MARCHF11: variants seen among roughly 807,000 people sequenced by gnomAD.
The protein encoded by MARCHF11 is membrane associated ring-CH-type finger 11, also known as E3 ubiquitin-protein ligase MARCHF11.
MARCHF11 carries 29 observed loss-of-function variants against 37.3 expected under a neutral mutation model. That is an observed-to-expected ratio of 0.78 (90% CI 0.58 to 1.06). MARCHF11 has a LOEUF of 1.06. Among genes scored for constraint, MARCHF11 ranks in the 50% least tolerant of loss-of-function variants. The pLI is 0.00. For synonymous variants in MARCHF11, 233 were observed against 228.0 expected, an observed-to-expected ratio of 1.02 and a Z score of -0.20; for missense variants, 482 against 533.4, an observed-to-expected ratio of 0.90 and a Z score of 0.95.
intron 3 of MARCHF11, 107 bp downstream of exon 3, chr5:16,090,782 G>T (rs1342292340): frequency 1.2e-6 from 1 of 864,236 alleles, no homozygotes. Context: ...GGAGAACTGA[G>T]ATAAGTCAAT....
chr5:16,127,460 AC>A, intron 2 of MARCHF11, among the ~76,000 whole-genome samples: 1 of 152,168 alleles, frequency 6.6e-6, no homozygotes, highest in East Asian at 1.9e-4. Context: ...AGCAAACGGA[AC>A]TTTTTACTGG....
chr5:16,170,725 G>A (rs1738249315), intron 2 of MARCHF11, among the ~76,000 whole-genome samples: 2 of 152,076 alleles, frequency 1.3e-5, no homozygotes, highest in Admixed American at 6.6e-5. Flanking sequence ...ATTGAGCTGT[G>A]TTATATAATG....
chr5:16,105,793 G>GT (rs959780322), intron 2 of MARCHF11, among the ~76,000 whole-genome samples: 5 of 151,068 alleles, frequency 3.3e-5, no homozygotes, highest in Non-Finnish European at 4.4e-5. Context: ...TTTTTGTTTT[G>GT]TTTTTTTTCA....
chr5:16,142,681 T>C (rs1369654682), intron 2 of MARCHF11, among the ~76,000 whole-genome samples: 4 of 143,596 alleles, frequency 2.8e-5, no homozygotes, highest in African/African-American at 1.0e-4. Flanking sequence ...ACACTTCTTA[T>C]ATTTTATCTT....
At chr5:16,072,301 C>G (rs1419253897) in intron 3 of MARCHF11, among the ~76,000 whole-genome samples, 2 of 152,080 alleles carry the variant, frequency 1.3e-5, no homozygotes, top group Non-Finnish European at 2.9e-5. Context: ...ACAGAATAAT[C>G]AAATAAAAGA....
At chr5:16,075,028 C>T (rs1223088838) in intron 3 of MARCHF11, among the ~76,000 whole-genome samples, 1 of 152,208 alleles carries the variant, frequency 6.6e-6, no homozygotes, top group Non-Finnish European at 1.5e-5. Flanking sequence ...AACAAGATGG[C>T]AAAGCCCAAT....
intron 2 of MARCHF11, among the ~76,000 whole-genome samples, chr5:16,125,986 T>G (rs988585606): frequency 6.6e-6 from 1 of 152,204 alleles, no homozygotes; most frequent in African/African-American, 2.4e-5. Flanking sequence ...CATAACTTCT[T>G]GCTTGCCAGC....
intron 2 of MARCHF11, among the ~76,000 whole-genome samples, chr5:16,153,637 C>G (rs746465244): frequency 6.6e-6 from 1 of 151,956 alleles, no homozygotes; most frequent in Non-Finnish European, 1.5e-5. Flanking sequence ...GATGGATGTA[C>G]ATATTGATAG....
chr5:16,101,798 T>C (rs1579381948), intron 2 of MARCHF11, among the ~76,000 whole-genome samples: 1 of 152,356 alleles, frequency 6.6e-6, no homozygotes, highest in East Asian at 1.9e-4. Flanking sequence ...AGAATTTTCA[T>C]TGAAAGCAAT....
At chr5:16,145,516 T>C (rs1216339087) in intron 2 of MARCHF11, among the ~76,000 whole-genome samples, 1 of 152,164 alleles carries the variant, frequency 6.6e-6, no homozygotes, top group Non-Finnish European at 1.5e-5. Flanking sequence ...ACATTTCTAT[T>C]GTTTAAGCCT....
rs776312805 is a variant in MARCHF11, at chr5:16,067,571, C to A, written c.1109G>T (p.Gly370Val). Residue 370 changes from glycine (G) to valine (V), a missense_variant, in exon 4 of 4, where the codon GGC becomes GTC. By Grantham distance (109) the Gly-to-Val change is moderately radical (BLOSUM62 -3). Transcript: ENST00000332432. Reference sequence around the variant, plus strand: ...ATTGAACAGGTGCAATAACACATAGCCACACTGAAACCTTGGTGAGGTTAA... The same window carrying A: ...ATTGAACAGGTGCAATAACACATAGACACACTGAAACCTTGGTGAGGTTAA... Reference protein sequence around the residue: ...TQLTSPRFQCGYVLLHLFNRM... With the variant: ...TQLTSPRFQCVYVLLHLFNRM... 1.2e-6 allele frequency: 2 copies of A among 1,613,942 alleles called. No individual in the cohort carries two copies. The highest frequency in any genetic ancestry group is 1.7e-6 in the Non-Finnish European group (2 of 1,179,856).
intron 2 of MARCHF11, among the ~76,000 whole-genome samples, chr5:16,174,213 A>T (rs1738319025): frequency 6.6e-6 from 1 of 152,240 alleles, no homozygotes; most frequent in Non-Finnish European, 1.5e-5. Context: ...TCAAAACAGA[A>T]CTAGGCTTTA....
intron 3 of MARCHF11, among the ~76,000 whole-genome samples, chr5:16,085,688 C>T (rs1229841284): frequency 6.6e-6 from 1 of 151,942 alleles, no homozygotes; most frequent in African/African-American, 2.4e-5. Flanking sequence ...CGCAGTGGCT[C>T]ACGCCTGTAA....
At position 16,179,496 on chromosome 5, in the gene MARCHF11, G is replaced by A; in HGVS notation, c.80C>T (p.Pro27Leu). The change falls in exon 1 of 4, where the codon CCC (proline) becomes CTC (leucine). Residue 27 changes from proline (P) to leucine (L), a missense_variant. Physicochemically the swap from Pro to Leu is moderately conservative, Grantham distance 98. Coordinates refer to ENST00000332432, the MANE Select transcript of MARCHF11 (RefSeq NM_001102562.3). The part of the protein sequence containing the change: ...SGDAEPPPQP[P>L]PPPPPTPPPG... ...CGGCGGCGTCGGCGGCGGCGGCGGG[G>A]GAGGTTGCGGGGGAGGCTCGGCGTC... 3 of 1,162,962 alleles carry A rather than the reference G, an allele frequency of 2.6e-6. No homozygotes were observed. The highest frequency in any genetic ancestry group is 3.2e-6 in the Non-Finnish European group (3 of 944,306). 72.0% of individuals were successfully genotyped at this position (1,162,962 alleles called of 1,614,324 possible). A position where few individuals can be genotyped will look rare whatever the true frequency, so the allele number is the denominator to read the frequency against.
chr5:16,157,392 C>G (rs1375566606), intron 2 of MARCHF11, among the ~76,000 whole-genome samples: 1 of 151,734 alleles, frequency 6.6e-6, no homozygotes, highest in East Asian at 1.9e-4. Flanking sequence ...TAAAGCAATC[C>G]TGAGAAAAAA....
intron 3 of MARCHF11, among the ~76,000 whole-genome samples, chr5:16,087,038 C>T (rs1333585793): frequency 6.6e-6 from 1 of 152,212 alleles, no homozygotes; most frequent in East Asian, 1.9e-4. Context: ...TAAATTACTG[C>T]CACTAGCTTA....
intron 2 of MARCHF11, among the ~76,000 whole-genome samples, chr5:16,174,962 G>T (rs542049295): frequency 6.6e-6 from 1 of 152,268 alleles, no homozygotes; most frequent in Admixed American, 6.5e-5. Flanking sequence ...CACTTCCAAG[G>T]CTATGCCTTA....
At chr5:16,177,633 T>C in intron 2 of MARCHF11, 93 bp downstream of exon 2, 1 of 1,044,528 alleles carries the variant, frequency 9.6e-7, no homozygotes, top group Non-Finnish European at 1.3e-6. Context: ...TGTTTTTAAG[T>C]AGCATAAGTA....
chr5:16,162,683 T>C (rs1273937120), intron 2 of MARCHF11, among the ~76,000 whole-genome samples: 2 of 152,050 alleles, frequency 1.3e-5, no homozygotes, highest in African/African-American at 2.4e-5. Flanking sequence ...TTGTCTTTTT[T>C]GTTTACTTTT....
Sources: gnomAD v4.1 joint callset for allele counts (sites outside exome capture counted in the v4.1 genomes callset) on GRCh38, gnomAD v4.1.1 for gene constraint, MANE v1.5 for transcripts, NCBI Gene and HGNC (gene_info 2026-07-23, HGNC 2026-07-21) for gene names.